The following SDHC variants were observed in gnomAD, a reference collection of about 807,000 sequenced individuals.
SDHC encodes the protein succinate dehydrogenase complex subunit C, also known as succinate dehydrogenase cytochrome b560 subunit, mitochondrial.
SDHC carries 11 observed loss-of-function variants against 22.6 expected under a neutral mutation model. The ratio of observed to expected loss-of-function variants is 0.49; its 90% CI spans 0.31 to 0.81. The LOEUF (loss-of-function observed/expected upper bound fraction) is 0.81, where lower values mean the gene tolerates loss of function less well. Among genes scored for constraint, SDHC ranks in the 30% least tolerant of loss-of-function variants. SDHC has a pLI of 0.05. For missense variants in SDHC, 160 were observed against 212.0 expected (o/e 0.75, Z 1.52); for synonymous variants, 80 against 77.8 (o/e 1.03, Z -0.15).
rs145685767 is a variant in SDHC at position 161,321,867 on chromosome 1, T to C, written c.21-1747T>C. Among the ~76,000 whole-genome samples the C allele has an allele frequency of 2.0e-3, 305 of 152,338 alleles. 1 individual carries two copies. The highest frequency in any genetic ancestry group is 7.0e-3 in the African/African-American group (290 of 41,576). ...GGATATGCAATAAACTTTTGTAGAATCAATGTGTTTTTAAGTTTTAGTCCC... is the reference window on the plus strand; with the variant it reads ...GGATATGCAATAAACTTTTGTAGAACCAATGTGTTTTTAAGTTTTAGTCCC... On this transcript the variant is annotated intron_variant, in intron 1 of 5. Coordinates refer to ENST00000367975, the MANE Select transcript of SDHC (RefSeq NM_003001.5).
chr1:161,339,521 C>T (rs187090765), intron 3 of SDHC: 563 of 1,174,844 alleles, frequency 4.8e-4, no homozygotes, highest in Admixed American at 1.9e-3. Context: ...TTTCTCCTTG[C>T]GAAAGGAGTT....
intron 1 of SDHC, among the ~76,000 whole-genome samples, chr1:161,318,273 C>G (rs747951220): frequency 5.3e-5 from 8 of 152,110 alleles, no homozygotes; most frequent in Non-Finnish European, 1.0e-4. Context: ...TTCCCCTTCC[C>G]CCTCCCCCGC....
At chr1:161,323,699 TTTA>T (rs1391379411) in intron 2 of SDHC, 29 bp downstream of exon 2, 49 of 1,514,226 alleles carry the variant, frequency 3.2e-5, no homozygotes, top group East Asian at 1.2e-4. Context: ...AGATTATTTA[TTTA>T]TTTTTTTTTT....
intron 4 of SDHC, among the ~76,000 whole-genome samples, chr1:161,346,651 G>A (rs1424921376): frequency 6.6e-6 from 1 of 152,052 alleles, no homozygotes; most frequent in East Asian, 1.9e-4. Flanking sequence ...GCCCACTTTG[G>A]CCTCCCAAAG....
intron 1 of SDHC, among the ~76,000 whole-genome samples, chr1:161,317,609 T>A (rs1670672194): frequency 7.3e-6 from 1 of 136,580 alleles, no homozygotes; most frequent in Non-Finnish European, 1.5e-5. Flanking sequence ...TCGCCCAGGC[T>A]GGAGTGCAGT....
In SDHC at chr1:161,362,588, GA is replaced by G. The variant is rs766154942; in HGVS notation, c.*156del. The G allele has an allele frequency of 3.7e-6, 6 of 1,609,024 alleles. No homozygotes were observed. Among genetic ancestry groups the G allele is most frequent in the Non-Finnish European group, 8.5e-7 (1 of 1,178,098 alleles). ...CCTTGGAGCAGTAGAGTACCTGGTA[GA>G]CCATAATAGTGGAAAAGGGTCTAGT... On this transcript the variant is annotated 3_prime_UTR_variant, in exon 6 of 6. Transcript: ENST00000367975.
Position 161,362,564 on chromosome 1 carries a change from C to T in SDHC, c.*131C>T, listed in dbSNP as rs753857371. 5.3e-5 allele frequency: 85 copies of T among 1,608,190 alleles called. No homozygotes were observed. Among genetic ancestry groups the T allele is most frequent in the Non-Finnish European group, 6.2e-5 (73 of 1,177,566 alleles). Reference sequence around the variant, plus strand: ...AGATCCTTTTGTATTTTCAGATCTCCTTGGAGCAGTAGAGTACCTGGTAGA... The same window carrying T: ...AGATCCTTTTGTATTTTCAGATCTCTTTGGAGCAGTAGAGTACCTGGTAGA... On this transcript the variant is annotated 3_prime_UTR_variant, in exon 6 of 6. Coordinates refer to ENST00000367975, the MANE Select transcript of SDHC (RefSeq NM_003001.5).
intron 3 of SDHC, among the ~76,000 whole-genome samples, chr1:161,331,374 C>T (rs959641737): frequency 2.0e-5 from 3 of 151,692 alleles, no homozygotes; most frequent in Non-Finnish European, 2.9e-5. Context: ...CTTAAGCAAT[C>T]CTTCCACCTC....
At chr1:161,357,702 CTCT>C (rs1672337783) in intron 5 of SDHC, among the ~76,000 whole-genome samples, 1 of 152,074 alleles carries the variant, frequency 6.6e-6, no homozygotes, top group Non-Finnish European at 1.5e-5. Context: ...CCCTGCTGAA[CTCT>C]TCATTTTTAA....
At position 161,340,665 on chromosome 1, in the gene SDHC, T is replaced by C; in HGVS notation, c.241+10T>C. 1 of 1,612,226 alleles carries C rather than the reference T, an allele frequency of 6.2e-7. No individual in the cohort carries two copies. Among genetic ancestry groups the C allele is most frequent in the South Asian group, 1.1e-5 (1 of 91,048 alleles). On this transcript the variant is annotated intron_variant, in intron 4 of 5. Coordinates refer to ENST00000367975, the MANE Select transcript of SDHC (RefSeq NM_003001.5). ...ATTGCTTTGAGTGCAGGTATGTATATGTGTTTTTACACACACATATGTGCT... is the reference window on the plus strand; with the variant it reads ...ATTGCTTTGAGTGCAGGTATGTATACGTGTTTTTACACACACATATGTGCT...
chr1:161,338,198 A>G (rs1451067477), intron 3 of SDHC, among the ~76,000 whole-genome samples: 2 of 152,104 alleles, frequency 1.3e-5, no homozygotes, highest in Non-Finnish European at 2.9e-5. Flanking sequence ...TCAGAGTGGT[A>G]TGTGGCTCTT....
intron 3 of SDHC, among the ~76,000 whole-genome samples, chr1:161,329,524 G>A (rs916858016): frequency 1.6e-4 from 24 of 151,830 alleles, no homozygotes; most frequent in Admixed American, 1.4e-3. Context: ...AAGAGATGAG[G>A]TTTTGCCATG....
intron 1 of SDHC, among the ~76,000 whole-genome samples, chr1:161,318,555 C>T: frequency 6.6e-6 from 1 of 152,186 alleles, no homozygotes; most frequent in East Asian, 1.9e-4. Flanking sequence ...CACCAAGAGT[C>T]ATTAACTATC....
rs114884251 is a variant in SDHC, at chr1:161,332,389, G to A, written c.179+3892G>A. 2.0e-5 allele frequency among the ~76,000 whole-genome samples: 3 copies of A among 152,040 alleles called. No homozygotes were observed. In the South Asian group the frequency reaches 6.2e-4, roughly 31 times the overall value. ...AGTAGATTCTGCTTTCCACATTATC[G>A]TGGGACATAATTCTGCTAAACTTTC... On this transcript the variant is annotated intron_variant, in intron 3 of 5. Transcript: ENST00000367975.
At chr1:161,347,099 A>G (rs1671927416) in intron 4 of SDHC, among the ~76,000 whole-genome samples, 1 of 152,154 alleles carries the variant, frequency 6.6e-6, no homozygotes, top group Non-Finnish European at 1.5e-5. Flanking sequence ...AGTTGACAGC[A>G]CTCTGAGGGA....
At chr1:161,354,294 C>T (rs1672190115) in intron 4 of SDHC, among the ~76,000 whole-genome samples, 1 of 152,218 alleles carries the variant, frequency 6.6e-6, no homozygotes, top group African/African-American at 2.4e-5. Context: ...GCTGAAAACC[C>T]AGCTTTGCAA....
intron 4 of SDHC, among the ~76,000 whole-genome samples, chr1:161,354,001 A>ATT (rs1672181501): frequency 6.6e-6 from 1 of 151,912 alleles, no homozygotes. Context: ...AATATTTTTT[A>ATT]TTTTTGTTTT....
At chr1:161,358,916 G>A (rs1248985514) in intron 5 of SDHC, among the ~76,000 whole-genome samples, 2 of 138,648 alleles carry the variant, frequency 1.4e-5, no homozygotes, top group Admixed American at 1.6e-4. Flanking sequence ...GGCAACAAGA[G>A]CGAAATTCCG....
At chr1:161,354,870 T>G (rs2102365845) in intron 4 of SDHC, among the ~76,000 whole-genome samples, 1 of 152,098 alleles carries the variant, frequency 6.6e-6, no homozygotes, top group South Asian at 2.1e-4. Flanking sequence ...CCACCACAAC[T>G]GGCTCATTTT....
Sources: allele counts gnomAD v4.1 joint callset (sites outside exome capture counted in the v4.1 genomes callset), GRCh38; gene constraint gnomAD v4.1.1; transcripts MANE v1.5; gene names NCBI Gene and HGNC (gene_info 2026-07-23, HGNC 2026-07-21).